Variants in MAF observed in about 807,000 individuals in gnomAD.
The protein encoded by MAF is transcription factor Maf.
A neutral mutation model predicts 22.0 loss-of-function variants in MAF; 10 were observed. The observed-to-expected ratio is 0.45, with a 90% CI of 0.28 to 0.77. The LOEUF (loss-of-function observed/expected upper bound fraction) is 0.77. MAF is among the 30% of genes least tolerant of loss of function. The pLI is 0.12. For synonymous variants in MAF, 337 were observed against 255.8 expected (o/e 1.32, Z -3.03); for missense variants, 544 against 548.4 (o/e 0.99, Z 0.08).
At chr16:79,306,464 G>A in the MAF span, among the ~76,000 whole-genome samples, 3 of 152,284 alleles carry the variant, frequency 2.0e-5, no homozygotes, top group South Asian at 2.1e-4. Context: ...CCTGACCCAC[G>A]GAGCATTGCT....
At chr16:79,335,878 G>T in the MAF span, among the ~76,000 whole-genome samples, 2 of 152,286 alleles carry the variant, frequency 1.3e-5, no homozygotes, top group African/African-American at 4.8e-5. Flanking sequence ...GCCCGGTGAG[G>T]TTGGACCTGC....
At chr16:79,389,553 C>T in the MAF span, among the ~76,000 whole-genome samples, 17 of 152,258 alleles carry the variant, frequency 1.1e-4, no homozygotes, top group East Asian at 3.9e-4. Flanking sequence ...TGAGCCACCG[C>T]GTCCAGCTAA....
chr16:79,492,354 A>C, the MAF span, among the ~76,000 whole-genome samples: 1 of 152,274 alleles, frequency 6.6e-6, no homozygotes, highest in East Asian at 1.9e-4. Flanking sequence ...GTCAAAACAA[A>C]TGCAAAACAA....
chr16:79,580,801 C>G, the MAF span, among the ~76,000 whole-genome samples: 1 of 129,236 alleles, frequency 7.7e-6, no homozygotes, highest in East Asian at 2.4e-4. Context: ...GAAACTGTTC[C>G]AGGCTTTAAA....
the MAF span, among the ~76,000 whole-genome samples, chr16:79,442,551 T>C: frequency 1.2e-4 from 19 of 152,062 alleles, no homozygotes; most frequent in African/African-American, 4.6e-4. Flanking sequence ...ATTCCTTTTT[T>C]AAATTTTAGT....
the MAF span, among the ~76,000 whole-genome samples, chr16:79,238,891 A>G: frequency 2.0e-5 from 3 of 151,940 alleles, no homozygotes; most frequent in East Asian, 1.9e-4. Context: ...AGCACACTCC[A>G]TCTTGACCTG....
At chr16:79,398,178 T>A in the MAF span, among the ~76,000 whole-genome samples, 1 of 152,198 alleles carries the variant, frequency 6.6e-6, no homozygotes, top group South Asian at 2.1e-4. Flanking sequence ...CACTCCAACC[T>A]CTGCTTCTAT....
the MAF span, among the ~76,000 whole-genome samples, chr16:79,390,282 A>G: frequency 6.6e-6 from 1 of 151,900 alleles, no homozygotes; most frequent in Non-Finnish European, 1.5e-5. Context: ...GTGGATTATT[A>G]TTATTATTAT....
At chr16:79,280,192 G>A in the MAF span, among the ~76,000 whole-genome samples, 8 of 152,200 alleles carry the variant, frequency 5.3e-5, no homozygotes, top group South Asian at 2.1e-4. Context: ...CCAGTTGCAC[G>A]TGTTGGTTAA....
At chr16:79,419,196 T>C in the MAF span, among the ~76,000 whole-genome samples, 1 of 152,124 alleles carries the variant, frequency 6.6e-6, no homozygotes, top group Non-Finnish European at 1.5e-5. Context: ...AGAAGTTTAA[T>C]ATCAGCATGG....
chr16:79,335,209 A>G, the MAF span, among the ~76,000 whole-genome samples: 1 of 151,694 alleles, frequency 6.6e-6, no homozygotes, highest in Non-Finnish European at 1.5e-5. Flanking sequence ...AGAAAGAAAA[A>G]GAACATACAT....
chr16:79,594,540 G>C lies in MAF; in HGVS notation c.1132C>G (p.Arg378Gly). ...TATCCCACTGATGGCTCCAACTTGC[G>C]AGTGGGCTCAGTTCTGTAATTGGAA... ...SPEFFITEPTRKLEPSVGYAT... is the reference protein window; with the variant it reads ...SPEFFITEPTGKLEPSVGYAT... Residue 378 changes from arginine (R) to glycine (G), a missense_variant, in exon 2 of 2, where the codon CGC (arginine) becomes GGC (glycine). This residue lies in a region of MAF where 129 missense variants were observed against 113.6 expected (regional missense o/e 1.14). Transcript: ENST00000326043. 6.4e-7 allele frequency: 1 copy of C among 1,562,650 alleles called. No homozygotes were observed. The highest frequency in any genetic ancestry group is 8.7e-7 in the Non-Finnish European group (1 of 1,151,130).
the MAF span, among the ~76,000 whole-genome samples, chr16:79,308,125 C>T: frequency 3.3e-5 from 5 of 152,192 alleles, no homozygotes; most frequent in Admixed American, 1.3e-4. Context: ...TCCCTGAAGA[C>T]CCACAGCCCT....
chr16:79,298,470 A>G, the MAF span, among the ~76,000 whole-genome samples: 1 of 152,220 alleles, frequency 6.6e-6, no homozygotes, highest in Non-Finnish European at 1.5e-5. Context: ...TAACAACCAT[A>G]TATTTCCCTT....
At chr16:79,567,055 C>T in the MAF span, among the ~76,000 whole-genome samples, 1,634 of 152,328 alleles carry the variant, frequency 0.011, 27 homozygotes, top group African/African-American at 0.037. Context: ...CATGGTGGCT[C>T]ACGCCTGTAA....
chr16:79,589,870 G>T (rs1168962292), downstream of MAF, among the ~76,000 whole-genome samples: 1 of 152,204 alleles, frequency 6.6e-6, no homozygotes, highest in East Asian at 1.9e-4. Flanking sequence ...CGGGCGCCGG[G>T]CGGCGTCGTG....
the MAF span, chr16:79,205,997 T>A: frequency 6.6e-6 from 1 of 152,158 alleles, no homozygotes; most frequent in Admixed American, 6.6e-5. Context: ...CACCTGGAGA[T>A]GGCATTTTGA....
At chr16:79,305,836 C>A in the MAF span, among the ~76,000 whole-genome samples, 1 of 152,196 alleles carries the variant, frequency 6.6e-6, no homozygotes, top group Non-Finnish European at 1.5e-5. Flanking sequence ...GGGAGAATCA[C>A]GTTGCCAGAC....
chr16:79,361,709 C>G, the MAF span, among the ~76,000 whole-genome samples: 285 of 105,436 alleles, frequency 2.7e-3, 2 homozygotes, highest in African/African-American at 7.9e-3. Flanking sequence ...GTTTTATATA[C>G]AGATTTGGTG....
Sources: gnomAD v4.1 joint callset for allele counts (sites outside exome capture counted in the v4.1 genomes callset) on GRCh38, gnomAD v4.1.1 for gene constraint, gnomAD v4.1.1 regional missense constraint, MANE v1.5 for transcripts, NCBI Gene and HGNC (gene_info 2026-07-23, HGNC 2026-07-21) for gene names.